The following HPSE2 variants were observed in gnomAD, a reference collection of about 807,000 sequenced individuals.
HPSE2 encodes the protein heparanase 2 (inactive).
In HPSE2, 38 loss-of-function variants were observed where a neutral mutation model predicts 60.5. That is an observed-to-expected ratio of 0.63 (90% CI 0.48 to 0.82). HPSE2 has a LOEUF of 0.82. Among genes scored for constraint, HPSE2 ranks in the 40% least tolerant of loss-of-function variants. HPSE2 has a pLI of 0.00. For synonymous variants in HPSE2, 295 were observed against 293.2 expected, an observed-to-expected ratio of 1.01 and a Z score of -0.06; for missense variants, 713 against 740.4, an observed-to-expected ratio of 0.96 and a Z score of 0.43.
chr10:99,258,262 G>A, the HPSE2 span, among the ~76,000 whole-genome samples: 1 of 152,044 alleles, frequency 6.6e-6, no homozygotes, highest in East Asian at 1.9e-4. Context: ...ATAGAACTCA[G>A]GAATTTTAAA....
chr10:98,907,474 TA>T (rs926205699), intron 3 of HPSE2, among the ~76,000 whole-genome samples: 1 of 152,030 alleles, frequency 6.6e-6, no homozygotes, highest in African/African-American at 2.4e-5. Flanking sequence ...GCTCTCTAAT[TA>T]AAAAAACAAA....
chr10:98,482,544 A>C, intron 11 of HPSE2, 92 bp downstream of exon 11: 3 of 1,505,946 alleles, frequency 2.0e-6, no homozygotes, highest in Non-Finnish European at 2.8e-6. Flanking sequence ...TGAGCCCTTG[A>C]GAGAATTAGC....
At chr10:99,067,802 T>C (rs1247637622) in intron 3 of HPSE2, among the ~76,000 whole-genome samples, 1 of 152,268 alleles carries the variant, frequency 6.6e-6, no homozygotes, top group East Asian at 1.9e-4. Flanking sequence ...ATTTGGCTTC[T>C]TGTTAATTAT....
the HPSE2 span, among the ~76,000 whole-genome samples, chr10:99,250,812 A>G: frequency 6.6e-6 from 1 of 152,222 alleles, no homozygotes; most frequent in African/African-American, 2.4e-5. Flanking sequence ...GTAAAAAATG[A>G]AAACAAAGAC....
chr10:99,153,253 G>A (rs1016270444), intron 2 of HPSE2, among the ~76,000 whole-genome samples: 12 of 152,144 alleles, frequency 7.9e-5, no homozygotes, highest in Non-Finnish European at 1.5e-4. Context: ...GCCCACCACA[G>A]CTCAAGGAGA....
At chr10:98,709,507 C>T (rs920103531) in intron 5 of HPSE2, among the ~76,000 whole-genome samples, 8 of 152,296 alleles carry the variant, frequency 5.3e-5, no homozygotes, top group African/African-American at 1.7e-4. Flanking sequence ...TGCCCTCATG[C>T]TGATCTTCAG....
rs556100306 is a variant in HPSE2 at position 98,667,340 on chromosome 10, C to A, written c.1005-25400G>T. Among the ~76,000 whole-genome samples, 100 of 152,202 alleles carry A rather than the reference C, an allele frequency of 6.6e-4. No homozygotes were observed. In the Middle Eastern group the frequency reaches 0.01, roughly 16 times the overall value. On this transcript the variant is annotated intron_variant, in intron 6 of 11. Transcript: ENST00000370552. ...CAGATGAATTCACAGCCAAATTCTA[C>A]CAGATGTACAAAGAAGAACTGGTAT... is the stretch of plus-strand genomic sequence containing the variant.
chr10:98,642,044 T>C (rs1946652781), intron 6 of HPSE2, 104 bp from the exon 7 acceptor site: 2 of 940,956 alleles, frequency 2.1e-6, no homozygotes, highest in African/African-American at 1.6e-5. Flanking sequence ...CAAACCAGGG[T>C]TCCACTCGGG....
intron 6 of HPSE2, among the ~76,000 whole-genome samples, chr10:98,670,282 T>C (rs1033376391): frequency 2.0e-5 from 3 of 152,126 alleles, no homozygotes; most frequent in Admixed American, 2.0e-4. Flanking sequence ...TCAACATAGT[T>C]GCTTATTGGA....
chr10:98,931,841 T>G (rs1416495719), intron 3 of HPSE2, among the ~76,000 whole-genome samples: 2 of 144,164 alleles, frequency 1.4e-5, no homozygotes, highest in African/African-American at 5.6e-5. Context: ...TTGCTAAAGT[T>G]GCATATCAGC....
At chr10:98,749,403 T>C (rs1324442012) in intron 3 of HPSE2, among the ~76,000 whole-genome samples, 2 of 151,718 alleles carry the variant, frequency 1.3e-5, no homozygotes, top group Non-Finnish European at 2.9e-5. Flanking sequence ...TGCGTGTATA[T>C]CTGTACATAT....
chr10:98,489,140 G>A (rs889162643), intron 10 of HPSE2, among the ~76,000 whole-genome samples: 2 of 152,034 alleles, frequency 1.3e-5, no homozygotes, highest in East Asian at 3.9e-4. Context: ...CCCCCCACCA[G>A]GTTTTCTTTG....
intron 2 of HPSE2, among the ~76,000 whole-genome samples, chr10:99,168,655 G>C (rs1030372606): frequency 1.3e-5 from 2 of 152,088 alleles, no homozygotes; most frequent in African/African-American, 4.8e-5. Context: ...ATATTTAGGA[G>C]GGAGTTATCA....
chr10:98,714,666 A>G (rs1039360826), intron 5 of HPSE2, among the ~76,000 whole-genome samples: 3 of 151,890 alleles, frequency 2.0e-5, no homozygotes, highest in African/African-American at 7.2e-5. Context: ...ATATTTGCGT[A>G]CAAGTTTTTG....
chr10:99,210,072 T>C (rs528533144), intron 2 of HPSE2, among the ~76,000 whole-genome samples: 1 of 152,206 alleles, frequency 6.6e-6, no homozygotes, highest in East Asian at 1.9e-4. Flanking sequence ...TAAATAAAAT[T>C]ATAAATGAAA....
At chr10:98,813,663 T>G (rs1172891982) in intron 3 of HPSE2, among the ~76,000 whole-genome samples, 1 of 152,224 alleles carries the variant, frequency 6.6e-6, no homozygotes, top group Non-Finnish European at 1.5e-5. Context: ...TTACTATTTC[T>G]CCATAACTAA....
Position 98,752,187 on chromosome 10 carries a change from G to A in HPSE2, c.611-8131C>T, listed in dbSNP as rs368255772. 1.1e-4 allele frequency among the ~76,000 whole-genome samples: 16 copies of A among 152,178 alleles called. No individual in the cohort carries two copies. The South Asian group carries it at 3.3e-3, about 32-fold the overall frequency. ...GGCTCTGAAAAATAAACACTATTAT[G>A]AAAAGGATAGAAAAATATGTGACTG... On this transcript the variant is annotated intron_variant, in intron 3 of 11. Transcript: ENST00000370552.
chr10:98,606,706 T>A (rs1945597828), intron 9 of HPSE2, among the ~76,000 whole-genome samples: 1 of 152,080 alleles, frequency 6.6e-6, no homozygotes. Context: ...ACTGACAGAT[T>A]TTTTTAAAAA....
chr10:98,956,371 A>G (rs571128847), intron 3 of HPSE2, among the ~76,000 whole-genome samples: 1 of 152,302 alleles, frequency 6.6e-6, no homozygotes, highest in South Asian at 2.1e-4. Flanking sequence ...GATATGTTAA[A>G]TTGGTTTGGA....
Sources: allele counts gnomAD v4.1 joint callset (sites outside exome capture counted in the v4.1 genomes callset), GRCh38; gene constraint gnomAD v4.1.1; transcripts MANE v1.5; gene names NCBI Gene and HGNC (gene_info 2026-07-23, HGNC 2026-07-21).